The following BCL11B variants were observed in gnomAD, a reference collection of about 807,000 sequenced individuals.
The protein encoded by BCL11B is B-cell lymphoma/leukemia 11B.
In BCL11B, 8 loss-of-function variants were observed where a neutral mutation model predicts 49.9. The ratio of observed to expected loss-of-function variants is 0.16; its 90% CI spans 0.09 to 0.29. BCL11B has a LOEUF of 0.29. Among genes scored for constraint, BCL11B ranks in the 10% least tolerant of loss-of-function variants. BCL11B has a pLI of 1.00. For missense variants in BCL11B, 1,006 were observed against 1,351.0 expected, an observed-to-expected ratio of 0.74 and a Z score of 4.00; for synonymous variants, 739 against 637.4, an observed-to-expected ratio of 1.16 and a Z score of -2.40.
chr14:99,243,411 C>T (rs1156350804), intron 2 of BCL11B, among the ~76,000 whole-genome samples: 1 of 152,228 alleles, frequency 6.6e-6, no homozygotes, highest in Non-Finnish European at 1.5e-5. Flanking sequence ...ACCCTGCCCC[C>T]ACGGACTGAA....
intron 2 of BCL11B, among the ~76,000 whole-genome samples, chr14:99,253,958 A>C (rs1413120616): frequency 6.6e-6 from 1 of 152,214 alleles, no homozygotes; most frequent in Non-Finnish European, 1.5e-5. Context: ...ATCCCCAGAG[A>C]GGCCTGAAAC....
At chr14:99,252,418 T>C (rs1002803725) in intron 2 of BCL11B, among the ~76,000 whole-genome samples, 1 of 152,226 alleles carries the variant, frequency 6.6e-6, no homozygotes, top group African/African-American at 2.4e-5. Context: ...GTTTATTTTA[T>C]TTATTTTTAA....
rs1887167417 is a variant in BCL11B at position 99,195,972 on chromosome 14, CA to C, written c.641-19778del. Among the ~76,000 whole-genome samples the C allele has an allele frequency of 6.6e-6, 1 of 152,100 alleles. No individual in the cohort carries two copies. Among genetic ancestry groups the C allele is most frequent in the Admixed American group, 6.5e-5 (1 of 15,268 alleles). ...AAATATCTGGAAAGAAGTCGGGAAA[CA>C]ATTAAAACTAGAAGCTAATAAATGA... On this transcript the variant is annotated intron_variant, in intron 3 of 3. Transcript: ENST00000357195. This position sits in a 1 kb window ranked among gnomAD's most constrained non-coding sequence, Gnocchi z 4.7.
At position 99,175,296 on chromosome 14, in the gene BCL11B, C is replaced by T. The variant is rs1347387231; in HGVS notation, c.1540G>A (p.Asp514Asn). Residue 514 changes from aspartate (D) to asparagine (N), a missense_variant, in exon 4 of 4, where the codon GAC (aspartate) becomes AAC (asparagine). Asp to Asn is a conservative substitution (Grantham distance 23). This residue lies in a region of BCL11B where 443 missense variants were observed against 499.7 expected (regional missense o/e 0.89). Coordinates refer to ENST00000357195, the MANE Select transcript of BCL11B (RefSeq NM_138576.4). ...ELAGEGLKAA[D>N]GDFRHHESDP... ...CTCTCGTGGTGGCGGAAGTCACCGTCGGCCGCCTTGAGGCCCTCGCCCGCC... is the reference window on the plus strand; with the variant it reads ...CTCTCGTGGTGGCGGAAGTCACCGTTGGCCGCCTTGAGGCCCTCGCCCGCC... The T allele has an allele frequency of 1.3e-6, 2 of 1,540,076 alleles. No homozygotes were observed. Among genetic ancestry groups the T allele is most frequent in the Admixed American group, 1.9e-5 (1 of 51,460 alleles).
intron 3 of BCL11B, among the ~76,000 whole-genome samples, chr14:99,217,301 CAT>C (rs36155392): frequency 0.32 from 48,939 of 151,842 alleles, 9,264 homozygotes; most frequent in Non-Finnish European, 0.44. Context: ...CTCACAAATA[CAT>C]ACACTTACAT....
intron 3 of BCL11B, among the ~76,000 whole-genome samples, chr14:99,229,019 GATGGATGGATGGATGGATGGATGC>G (rs1243739248): frequency 2.2e-4 from 26 of 117,306 alleles, no homozygotes; most frequent in African/African-American, 6.7e-4. Flanking sequence ...TGGATGGATG[GATGGATGGATGGATGGATGGATGC>G]ATGGATGGAT....
intron 3 of BCL11B, among the ~76,000 whole-genome samples, chr14:99,219,828 T>C (rs1334160227): frequency 6.9e-6 from 1 of 145,646 alleles, no homozygotes. Context: ...AAAAAAAAGC[T>C]GTCCTGGGAG....
At chr14:99,233,383 C>G (rs1037015115) in intron 2 of BCL11B, among the ~76,000 whole-genome samples, 1 of 152,208 alleles carries the variant, frequency 6.6e-6, no homozygotes, top group Non-Finnish European at 1.5e-5. Context: ...CTCTGCTTCC[C>G]TCTAGGGCTG....
rs1406506130 is a variant in BCL11B at position 99,262,302 on chromosome 14, C to T, written c.59-4463G>A. ...GCCGAGAGGTCTGCTGCCTGCTGTC[C>T]CCAGAGCACAGGCATGTGCGTGGCT... On this transcript the variant is annotated intron_variant, in intron 1 of 3. Coordinates refer to ENST00000357195, the MANE Select transcript of BCL11B (RefSeq NM_138576.4). The surrounding 1 kb of genome is among the most constrained non-coding windows in gnomAD (Gnocchi z 4.2). Among the ~76,000 whole-genome samples, 5 of 152,200 alleles carry T rather than the reference C, an allele frequency of 3.3e-5. No individual in the cohort carries two copies. Among genetic ancestry groups the T allele is most frequent in the Non-Finnish European group, 7.4e-5 (5 of 68,024 alleles).
chr14:99,271,009 C>G lies in BCL11B; in HGVS notation c.58+152G>C, dbSNP rs1388519298. On this transcript the variant is annotated intron_variant, in intron 1 of 3. Coordinates refer to ENST00000357195, the MANE Select transcript of BCL11B (RefSeq NM_138576.4). Reference sequence around the variant, plus strand: ...GAAACTTTCCTATGGCCCCCGCCCCCCGCCATGCTCCAGGCCGACGCCGTA... The same window carrying G: ...GAAACTTTCCTATGGCCCCCGCCCCGCGCCATGCTCCAGGCCGACGCCGTA... 2.1e-5 allele frequency: 16 copies of G among 777,730 alleles called. No individual in the cohort carries two copies. The Admixed American group carries it at 3.4e-4, about 17-fold the overall frequency. 48.2% of individuals were successfully genotyped at this position (777,730 alleles called of 1,614,324 possible).
intron 3 of BCL11B, among the ~76,000 whole-genome samples, chr14:99,187,888 C>T (rs576926859): frequency 2.0e-5 from 3 of 152,258 alleles, no homozygotes; most frequent in South Asian, 2.1e-4. Flanking sequence ...AAAATCTCGA[C>T]ATTCCACCCC....
chr14:99,202,659 C>T (rs1402253343), intron 3 of BCL11B, among the ~76,000 whole-genome samples: 1 of 152,164 alleles, frequency 6.6e-6, no homozygotes, highest in Non-Finnish European at 1.5e-5. Flanking sequence ...AGAGCAGAGG[C>T]CACCTGTCGT....
At chr14:99,223,034 T>A (rs1455252763) in intron 3 of BCL11B, among the ~76,000 whole-genome samples, 1 of 152,158 alleles carries the variant, frequency 6.6e-6, no homozygotes, top group Non-Finnish European at 1.5e-5. Flanking sequence ...CTTGAGCAAA[T>A]TTGCAGTTCA....
At chr14:99,203,326 G>A (rs1400437432) in intron 3 of BCL11B, among the ~76,000 whole-genome samples, 3 of 152,248 alleles carry the variant, frequency 2.0e-5, no homozygotes, top group Non-Finnish European at 4.4e-5. Context: ...AGGACAGAGA[G>A]AGACTTCTGA....
rs1887054326 is a variant in BCL11B at position 99,192,258 on chromosome 14, C to T, written c.641-16063G>A. On this transcript the variant is annotated intron_variant, in intron 3 of 3. Coordinates refer to ENST00000357195, the MANE Select transcript of BCL11B (RefSeq NM_138576.4). This position sits in a 1 kb window ranked among gnomAD's most constrained non-coding sequence, Gnocchi z 4.0. Reference sequence around the variant, plus strand: ...TTTCCTTGGAGCGCACACGGTGAACCTGGCTCTCGCATACAGTAGCACTTT... The same window carrying T: ...TTTCCTTGGAGCGCACACGGTGAACTTGGCTCTCGCATACAGTAGCACTTT... Among the ~76,000 whole-genome samples, 1 of 152,178 alleles carries T rather than the reference C, an allele frequency of 6.6e-6. No homozygotes were observed. The highest frequency in any genetic ancestry group is 1.5e-5 in the Non-Finnish European group (1 of 68,040).
At position 99,258,054 on chromosome 14, in the gene BCL11B, GC is replaced by G. The variant is rs371262401; in HGVS notation, c.59-216del. On this transcript the variant is annotated intron_variant, in intron 1 of 3. Coordinates refer to ENST00000357195, the MANE Select transcript of BCL11B (RefSeq NM_138576.4). ...ACTGAGGCTCTAGGAGCAACGTCGT[GC>G]CCCCTGGGCATTGCCACGTAAGTAG... 1.2e-3 allele frequency among the ~76,000 whole-genome samples: 176 copies of G among 152,254 alleles called. 1 individual carries two copies. The highest frequency in any genetic ancestry group is 4.1e-3 in the African/African-American group (169 of 41,550).
chr14:99,216,732 G>A (rs1015333852), intron 3 of BCL11B, among the ~76,000 whole-genome samples: 1 of 152,122 alleles, frequency 6.6e-6, no homozygotes, highest in Non-Finnish European at 1.5e-5. Context: ...ACAGAGCTTG[G>A]GAGGCTGGGA....
At position 99,169,341 on chromosome 14, in the gene BCL11B, A is replaced by G; in HGVS notation, c.*4810T>C. The G allele has an allele frequency of 5.2e-6, 1 of 192,108 alleles. No homozygotes were observed. The highest frequency in any genetic ancestry group is 1.1e-5 in the Non-Finnish European group (1 of 91,526). 11.9% of individuals were successfully genotyped at this position (192,108 alleles called of 1,614,324 possible). ...TTTTTATAACTTGAAACCAGAACAA[A>G]CTTGGTTTTGAACAAGCGTACAAAT... On this transcript the variant is annotated 3_prime_UTR_variant, in exon 4 of 4. Transcript: ENST00000357195.
At chr14:99,210,360 G>A (rs1049558275) in intron 3 of BCL11B, among the ~76,000 whole-genome samples, 7 of 152,090 alleles carry the variant, frequency 4.6e-5, no homozygotes, top group African/African-American at 1.7e-4. Flanking sequence ...GAGAAGGGGA[G>A]GAAGAAGAGT....
Sources: gnomAD v4.1 joint callset for allele counts (sites outside exome capture counted in the v4.1 genomes callset) on GRCh38, gnomAD v4.1.1 for gene constraint, gnomAD v4.1.1 regional missense constraint, Gnocchi (gnomAD v3.1) non-coding constraint, MANE v1.5 for transcripts, NCBI Gene and HGNC (gene_info 2026-07-23, HGNC 2026-07-21) for gene names.